The following CES5A variants were observed in gnomAD, a reference collection of about 807,000 sequenced individuals.
The protein encoded by CES5A is carboxylesterase 5.
A neutral mutation model predicts 62.9 loss-of-function variants in CES5A; 67 were observed. The ratio of observed to expected loss-of-function variants is 1.07; its 90% CI spans 0.88 to 1.31. The LOEUF is 1.31. Among genes scored for constraint, CES5A ranks in the 50% most tolerant of loss-of-function variants. The pLI is 0.00. For synonymous variants in CES5A, 296 were observed against 280.8 expected (o/e 1.05, Z -0.54); for missense variants, 748 against 708.5 (o/e 1.06, Z -0.63).
exon 1 of CES5A, chr16:55,956,030 C>T: frequency 2.4e-6 from 2 of 846,374 alleles, no homozygotes; most frequent in East Asian, 2.8e-5. Flanking sequence ...CCGTTGCCAG[C>T]TGGCTGCATT....
Position 55,949,180 on chromosome 16 carries a change from G to A in CES5A, c.160+605C>T, listed in dbSNP as rs59127954. On this transcript the variant is annotated intron_variant, in intron 2 of 13. Coordinates refer to the CES5A transcript ENST00000521992. Reference sequence around the variant, plus strand: ...CTGAGATGAAGTTTAGCAGGCATGAGGTTTATTAGGGTGTTGATCTTGGGG... The same window carrying A: ...CTGAGATGAAGTTTAGCAGGCATGAAGTTTATTAGGGTGTTGATCTTGGGG... Among the ~76,000 whole-genome samples the A allele has an allele frequency of 8.3e-3, 1,260 of 152,318 alleles. 16 individuals carry two copies. The highest frequency in any genetic ancestry group is 0.028 in the African/African-American group (1,154 of 41,554).
chr16:55,884,318 G>C (rs764869771), intron 1 of CES5A, among the ~76,000 whole-genome samples: 5 of 152,152 alleles, frequency 3.3e-5, no homozygotes, highest in Non-Finnish European at 7.4e-5. Context: ...TCGACAGTCT[G>C]TCTGTGTTCC....
At chr16:55,944,417 G>A (rs1201072595) in intron 2 of CES5A, 2 of 289,166 alleles carry the variant, frequency 6.9e-6, no homozygotes, top group African/African-American at 2.1e-5. Context: ...TCTAGTCCCT[G>A]CAGTGCGGTC....
chr16:55,882,367 G>T (rs1800085660), intron 1 of CES5A, among the ~76,000 whole-genome samples: 1 of 152,188 alleles, frequency 6.6e-6, no homozygotes, highest in Admixed American at 6.5e-5. Flanking sequence ...TCTCAAAGGG[G>T]TTTAATTCCC....
chr16:55,850,435 C>T (rs1380233070), intron 10 of CES5A, among the ~76,000 whole-genome samples: 2 of 152,202 alleles, frequency 1.3e-5, no homozygotes, highest in Admixed American at 6.5e-5. Flanking sequence ...GTGTCTATGG[C>T]TTTGCCTAAT....
intron 2 of CES5A, among the ~76,000 whole-genome samples, chr16:55,938,487 A>G (rs1230457117): frequency 6.6e-5 from 10 of 151,854 alleles, no homozygotes; most frequent in Non-Finnish European, 1.5e-4. Flanking sequence ...TAAGATATGT[A>G]GATATGTTGG....
At chr16:55,949,010 G>GCCTAATGACCTT (rs2034526807) in intron 2 of CES5A, among the ~76,000 whole-genome samples, 1 of 152,100 alleles carries the variant, frequency 6.6e-6, no homozygotes, top group Non-Finnish European at 1.5e-5. Flanking sequence ...TTTCTGGCTG[G>GCCTAATGACCTT]CCATATGCAG....
chr16:55,883,755 G>A (rs1436651831), intron 1 of CES5A, among the ~76,000 whole-genome samples: 1 of 152,152 alleles, frequency 6.6e-6, no homozygotes, highest in Non-Finnish European at 1.5e-5. Flanking sequence ...CACAGACCAT[G>A]GATTCCTTAT....
upstream of CES5A, among the ~76,000 whole-genome samples, chr16:55,926,902 T>C (rs2034263236): frequency 6.6e-6 from 1 of 152,218 alleles, no homozygotes; most frequent in South Asian, 2.1e-4. Context: ...GCCATCGCTT[T>C]GATTGTGCAT....
At chr16:55,880,801 C>A (rs2033753676) in intron 1 of CES5A, among the ~76,000 whole-genome samples, 1 of 152,152 alleles carries the variant, frequency 6.6e-6, no homozygotes, top group South Asian at 2.1e-4. Context: ...AAGAAAATGG[C>A]AGTCTCTGTT....
chr16:55,885,865 T>C (rs1485193151), intron 1 of CES5A, among the ~76,000 whole-genome samples: 1 of 152,188 alleles, frequency 6.6e-6, no homozygotes, highest in African/African-American at 2.4e-5. Flanking sequence ...CATTATGAGC[T>C]GAGTATTTTC....
intron 2 of CES5A, among the ~76,000 whole-genome samples, chr16:55,932,401 G>A (rs576552432): frequency 6.6e-6 from 1 of 152,318 alleles, no homozygotes; most frequent in South Asian, 2.1e-4. Context: ...GGGGTACAAT[G>A]ATGAATACAG....
chr16:55,931,534 C>G lies in CES5A; in HGVS notation c.160+18251G>C, dbSNP rs548753265. Reference sequence around the variant, plus strand: ...TCCACCCTATCTCTTGCTATTGCAACTCATATCCCACATTGCAGTCATTCT... The same window carrying G: ...TCCACCCTATCTCTTGCTATTGCAAGTCATATCCCACATTGCAGTCATTCT... On this transcript the variant is annotated intron_variant, in intron 2 of 13. Coordinates refer to the CES5A transcript ENST00000521992. 2.9e-4 allele frequency among the ~76,000 whole-genome samples: 44 copies of G among 152,218 alleles called. 1 individual carries two copies. Among genetic ancestry groups the G allele is most frequent in the Non-Finnish European group, 5.6e-4 (38 of 68,042 alleles).
intron 1 of CES5A, among the ~76,000 whole-genome samples, chr16:55,884,599 CT>C (rs141071104): frequency 1.3e-4 from 20 of 149,556 alleles, no homozygotes; most frequent in Middle Eastern, 3.4e-3. Flanking sequence ...AAACTTCTTC[CT>C]TTTTTTTTTG....
In CES5A at chr16:55,867,356, C is replaced by T. The variant is rs550217654; in HGVS notation, c.552-1240G>A. On this transcript the variant is annotated intron_variant, in intron 4 of 12. Coordinates refer to ENST00000290567, the MANE Select transcript of CES5A (RefSeq NM_001143685.2). ...TGCCCCTGCACAATTGCATGTTTCC[C>T]GGGATGGGATTAATGAGAGAACAAA... Among the ~76,000 whole-genome samples the T allele has an allele frequency of 9.8e-5, 15 of 152,308 alleles. No homozygotes were observed. The South Asian group carries it at 1.7e-3, about 17-fold the overall frequency.
intron 1 of CES5A, among the ~76,000 whole-genome samples, chr16:55,892,897 G>C (rs2033895740): frequency 6.6e-6 from 1 of 152,270 alleles, no homozygotes; most frequent in East Asian, 1.9e-4. Flanking sequence ...AAGTTGCCAA[G>C]TTAAGGTCAA....
chr16:55,886,024 T>A (rs2033811999), intron 1 of CES5A, among the ~76,000 whole-genome samples: 1 of 152,172 alleles, frequency 6.6e-6, no homozygotes, highest in African/African-American at 2.4e-5. Context: ...ATCACATCCG[T>A]CCACTGCCTC....
intron 1 of CES5A, among the ~76,000 whole-genome samples, chr16:55,896,630 G>T (rs1172107848): frequency 6.6e-6 from 1 of 152,186 alleles, no homozygotes; most frequent in Non-Finnish European, 1.5e-5. Flanking sequence ...GGTAAGGCTG[G>T]GGCCAGAACC....
chr16:55,909,704 G>A (rs1288408054), intron 1 of CES5A, among the ~76,000 whole-genome samples: 1 of 152,184 alleles, frequency 6.6e-6, no homozygotes, highest in Non-Finnish European at 1.5e-5. Flanking sequence ...GTGAACGGCA[G>A]AAGATCTGAG....
Sources: allele counts gnomAD v4.1 joint callset (sites outside exome capture counted in the v4.1 genomes callset), GRCh38; gene constraint gnomAD v4.1.1; transcripts MANE v1.5; gene names NCBI Gene and HGNC (gene_info 2026-07-23, HGNC 2026-07-21).